FABP1: variants seen among roughly 807,000 people sequenced by gnomAD.
FABP1 encodes the protein fatty acid binding protein 1.
In FABP1, 13 loss-of-function variants were observed where a neutral mutation model predicts 13.7. The observed-to-expected ratio is 0.95, with a 90% CI of 0.62 to 1.51. The LOEUF is 1.51. FABP1 is among the 40% of genes most tolerant of loss of function. FABP1 has a pLI of 0.00. For missense variants in FABP1, 140 were observed against 155.7 expected (o/e 0.90, Z 0.54); for synonymous variants, 48 against 59.8 (o/e 0.80, Z 0.91).
At position 88,127,954 on chromosome 2, in the gene FABP1, T is replaced by C; in HGVS notation, c.64A>G (p.Ile22Val). The C allele has an allele frequency of 6.2e-7, 1 of 1,614,190 alleles. No homozygotes were observed. The highest frequency in any genetic ancestry group is 8.5e-7 in the Non-Finnish European group (1 of 1,180,002). The change falls in exon 1 of 4, where the codon ATC (isoleucine) becomes GTC (valine). Residue 22 changes from isoleucine to valine, a missense_variant. Transcript: ENST00000295834. ...QENFEAFMKAIGLPEELIQKG... is the reference protein window; with the variant it reads ...QENFEAFMKAVGLPEELIQKG... ...TGCCTTTCAGTCCAGCACTCACCGA[T>C]TGCCTTCATGAAGGCTTCAAAGTTT...
intron 2 of FABP1, among the ~76,000 whole-genome samples, chr2:88,125,704 C>T (rs1008122251): frequency 6.6e-6 from 1 of 152,222 alleles, no homozygotes; most frequent in African/African-American, 2.4e-5. Context: ...GTCTGGGGCC[C>T]TGGTATTCTG....
intron 1 of FABP1, 141 bp from the exon 2 acceptor site, chr2:88,126,489 G>A (rs1348529065): frequency 3.7e-6 from 3 of 818,542 alleles, no homozygotes; most frequent in South Asian, 1.7e-5. Flanking sequence ...ACTCACTGGG[G>A]GCTTGTCAGC....
At chr2:88,126,062 G>T in intron 2 of FABP1, 114 bp downstream of exon 2, 1 of 1,098,080 alleles carries the variant, frequency 9.1e-7, no homozygotes, top group Non-Finnish European at 1.3e-6. Context: ...CACATGGGAG[G>T]TGGGTTCAGA....
intron 1 of FABP1, chr2:88,126,619 C>G (rs759444833): frequency 9.3e-5 from 31 of 334,956 alleles, no homozygotes; most frequent in Middle Eastern, 8.4e-4. Context: ...CTCTTGTAAG[C>G]ACCCTGGTTC....
chr2:88,125,277 A>G (rs1202853160), intron 2 of FABP1, among the ~76,000 whole-genome samples: 1 of 152,206 alleles, frequency 6.6e-6, no homozygotes. Context: ...CCATAGTTAA[A>G]TCCCTTGACC....
rs145654083 is a variant in FABP1 at position 88,124,512 on chromosome 2, G to A, written c.315C>T (p.Asn105=). The part of the protein sequence containing the change: ...FKNIKSVTEL[N]GDIITNTMTL... ...AACTTACATTGGTGATTATGTCGCC[G>A]TTGAGTTCGGTCACAGACTTGATGT... is the stretch of plus-strand genomic sequence containing the variant. The change falls in exon 3 of 4, where the codon AAC becomes AAT. Residue 105 remains asparagine, a synonymous_variant. Coordinates refer to ENST00000295834, the MANE Select transcript of FABP1 (RefSeq NM_001443.3). 1.4e-4 allele frequency: 217 copies of A among 1,606,476 alleles called. 1 individual carries two copies. In the African/African-American group the frequency reaches 1.6e-3, roughly 12 times the overall value.
intron 2 of FABP1, among the ~76,000 whole-genome samples, chr2:88,125,227 A>G (rs1206362925): frequency 1.3e-5 from 2 of 152,222 alleles, no homozygotes; most frequent in Non-Finnish European, 2.9e-5. Flanking sequence ...CCTGGGCAAC[A>G]TTAAACATTT....
Position 88,128,038 on chromosome 2 carries a change from T to G in FABP1, c.-21A>C. On this transcript the variant is annotated 5_prime_UTR_variant, in exon 1 of 4. Transcript: ENST00000295834. Reference sequence around the variant, plus strand: ...CTCATGGTGGCAATAGAGCTCCCTCTTCACGACTGACCTGCGGCTCTGCCG... The same window carrying G: ...CTCATGGTGGCAATAGAGCTCCCTCGTCACGACTGACCTGCGGCTCTGCCG... 2 of 1,613,178 alleles carry G rather than the reference T, an allele frequency of 1.2e-6. No homozygotes were observed. The highest frequency in any genetic ancestry group is 1.7e-6 in the Non-Finnish European group (2 of 1,179,098).
chr2:88,123,201 C>T (rs1675235263), intron 3 of FABP1, 97 bp from the exon 4 acceptor site: 2 of 955,352 alleles, frequency 2.1e-6, no homozygotes, highest in Non-Finnish European at 3.2e-6. Flanking sequence ...TAAAAAACAG[C>T]ACCAAATATG....
chr2:88,126,187 C>G lies in FABP1; in HGVS notation c.229G>C (p.Glu77Gln), dbSNP rs775949688. The G allele has an allele frequency of 5.0e-6, 8 of 1,606,838 alleles. No homozygotes were observed. Among genetic ancestry groups the G allele is most frequent in the Admixed American group, 3.3e-5 (2 of 59,912 alleles). The change falls in exon 2 of 4, where the codon GAG (glutamate) becomes CAG (glutamine). Residue 77 changes from glutamate (E) to glutamine (Q), a missense_variant. Physicochemically the swap from Glu to Gln is conservative, Grantham distance 29. Coordinates refer to ENST00000295834, the MANE Select transcript of FABP1 (RefSeq NM_001443.3). ...EECELETMTG[E>Q]KVKTVVQLEG... ...GGATGCCCTCCTACCTTGACTTTCT[C>G]CCCTGTCATTGTCTCCAGCTCACAT...
intron 2 of FABP1, 55 bp downstream of exon 2, chr2:88,126,121 G>A: frequency 6.5e-7 from 1 of 1,539,884 alleles, no homozygotes; most frequent in African/African-American, 1.4e-5. Context: ...GAGGAATGAG[G>A]TCCCAGGGCC....
At chr2:88,124,003 G>C (rs1232951153) in intron 3 of FABP1, 1 of 153,340 alleles carries the variant, frequency 6.5e-6, no homozygotes, top group Non-Finnish European at 1.5e-5. Flanking sequence ...GCAGTGTTCT[G>C]TTGTCTGTGA....
Position 88,124,520 on chromosome 2 carries a change from C to G in FABP1, c.307G>C (p.Glu103Gln), listed in dbSNP as rs754201889. Residue 103 changes from glutamate to glutamine, a missense_variant, in exon 3 of 4, where the codon GAA becomes CAA. Coordinates refer to ENST00000295834, the MANE Select transcript of FABP1 (RefSeq NM_001443.3). ...TTFKNIKSVT[E>Q]LNGDIITNTM... ...TTGGTGATTATGTCGCCGTTGAGTT[C>G]GGTCACAGACTTGATGTTTTTGAAA... 6.2e-7 allele frequency: 1 copy of G among 1,608,518 alleles called. No homozygotes were observed. The highest frequency in any genetic ancestry group is 8.5e-7 in the Non-Finnish European group (1 of 1,177,626).
At chr2:88,124,831 G>A (rs1400860065) in intron 2 of FABP1, among the ~76,000 whole-genome samples, 1 of 152,156 alleles carries the variant, frequency 6.6e-6, no homozygotes, top group Non-Finnish European at 1.5e-5. Flanking sequence ...AATGAGCATG[G>A]AACACCTAAG....
intron 2 of FABP1, among the ~76,000 whole-genome samples, chr2:88,125,177 C>A (rs1001263833): frequency 2.0e-5 from 3 of 151,946 alleles, no homozygotes; most frequent in Non-Finnish European, 4.4e-5. Context: ...CCTTATACAT[C>A]CTGGAAGAGA....
At chr2:88,126,402 C>A in intron 1 of FABP1, 54 bp from the exon 2 acceptor site, 1 of 1,566,980 alleles carries the variant, frequency 6.4e-7, no homozygotes, top group South Asian at 1.1e-5. Context: ...GTTTCATGAC[C>A]GTGGTAGGTA....
intron 3 of FABP1, 47 bp from the exon 4 acceptor site, chr2:88,123,151 T>C (rs1191296522): frequency 1.3e-6 from 2 of 1,517,434 alleles, no homozygotes; most frequent in African/African-American, 1.4e-5. Context: ...GATGTTGTAT[T>C]GTAAAAAACA....
chr2:88,124,619 G>T, intron 2 of FABP1, 33 bp from the exon 3 acceptor site: 1 of 1,496,650 alleles, frequency 6.7e-7, no homozygotes, highest in South Asian at 1.2e-5. Flanking sequence ...CTGTGAGGAA[G>T]GGGTGGTGGG....
At chr2:88,127,814 T>G (rs1007049489) in intron 1 of FABP1, 137 bp downstream of exon 1, 4 of 895,256 alleles carry the variant, frequency 4.5e-6, no homozygotes, top group Non-Finnish European at 7.3e-6. Flanking sequence ...CAGAAGTCAG[T>G]AAAATGCCCC....
Sources: gnomAD v4.1 joint callset for allele counts (sites outside exome capture counted in the v4.1 genomes callset) on GRCh38, gnomAD v4.1.1 for gene constraint, MANE v1.5 for transcripts, NCBI Gene and HGNC (gene_info 2026-07-23, HGNC 2026-07-21) for gene names.